Variants in LTBP1 observed in about 807,000 individuals in gnomAD.
LTBP1 encodes the protein latent-transforming growth factor beta-binding protein 1.
In LTBP1, 129 loss-of-function variants were observed where a neutral mutation model predicts 207.6. The observed-to-expected ratio is 0.62, with a 90% CI of 0.54 to 0.72. The LOEUF (loss-of-function observed/expected upper bound fraction) is 0.72, where lower values mean the gene tolerates loss of function less well. Among genes scored for constraint, LTBP1 ranks in the 30% least tolerant of loss-of-function variants. The pLI is 0.00. For synonymous variants in LTBP1, 963 were observed against 833.7 expected, an observed-to-expected ratio of 1.16 and a Z score of -2.67; for missense variants, 2,281 against 2,217.2, an observed-to-expected ratio of 1.03 and a Z score of -0.58.
At chr2:33,186,532 T>G (rs2087219884) in intron 5 of LTBP1, among the ~76,000 whole-genome samples, 1 of 152,204 alleles carries the variant, frequency 6.6e-6, no homozygotes, top group South Asian at 2.1e-4. Flanking sequence ...CAAATGGTAC[T>G]TAAAATGGCA....
chr2:33,396,924 G>A (rs1009238947), intron 32 of LTBP1, among the ~76,000 whole-genome samples: 2 of 152,122 alleles, frequency 1.3e-5, no homozygotes, highest in East Asian at 1.9e-4. Context: ...TCAAAATGAG[G>A]CTACTCTGCA....
intron 2 of LTBP1, among the ~76,000 whole-genome samples, chr2:32,978,250 A>G (rs1682135117): frequency 6.6e-6 from 1 of 152,160 alleles, no homozygotes; most frequent in Non-Finnish European, 1.5e-5. Flanking sequence ...TCCCAGTACT[A>G]TGTTAAATAA....
chr2:33,263,950 T>TAA (rs1474975472), intron 15 of LTBP1, among the ~76,000 whole-genome samples: 1 of 102,034 alleles, frequency 9.8e-6, no homozygotes, highest in Non-Finnish European at 1.8e-5. Flanking sequence ...AGACTCTGTC[T>TAA]AAAAAAAGAA....
In LTBP1 at chr2:32,947,799, C is replaced by A; in HGVS notation, c.475C>A (p.Gln159Lys). 1 of 1,464,692 alleles carries A rather than the reference C, an allele frequency of 6.8e-7. No individual in the cohort carries two copies. The highest frequency in any genetic ancestry group is 1.4e-5 in the South Asian group (1 of 70,096). 90.7% of individuals were successfully genotyped at this position (1,464,692 alleles called of 1,614,324 possible). The part of the protein sequence containing the change: ...SGGGSRLQVH[Q>K]KQQLQGVNVC... Reference sequence around the variant, plus strand: ...CGGAGGCTCTAGGCTGCAGGTTCACCAGAAGCAGCAGCTGCAGGGGTAAGC... The same window carrying A: ...CGGAGGCTCTAGGCTGCAGGTTCACAAGAAGCAGCAGCTGCAGGGGTAAGC... The change falls in exon 1 of 34, where the codon CAG (glutamine) becomes AAG (lysine). Residue 159 changes from glutamine to lysine, a missense_variant. Physicochemically the swap from Gln to Lys is moderately conservative, Grantham distance 53. Coordinates refer to ENST00000404816, the MANE Select transcript of LTBP1 (RefSeq NM_206943.4).
At chr2:32,955,464 G>A (rs1677926330) in intron 2 of LTBP1, among the ~76,000 whole-genome samples, 1 of 151,620 alleles carries the variant, frequency 6.6e-6, no homozygotes, top group South Asian at 2.1e-4. Flanking sequence ...TGGAACAGTT[G>A]GGTGTTTTCT....
chr2:33,110,675 G>C lies in LTBP1; in HGVS notation c.957G>C (p.Gly319=). 5 of 1,614,216 alleles carry C rather than the reference G, an allele frequency of 3.1e-6. No individual in the cohort carries two copies. The highest frequency in any genetic ancestry group is 4.2e-6 in the Non-Finnish European group (5 of 1,180,032). The part of the protein sequence containing the change: ...LKPKYFPAQK[G]ISGEQSTEGS... ...CCAAGTACTTTCCAGCCCAGAAGGG[G>C]ATTTCAGGAGAGCAGTCCACTGAAG... The change falls in exon 4 of 34, where the codon GGG becomes GGC. Residue 319 remains glycine (G), a synonymous_variant. Coordinates refer to ENST00000404816, the MANE Select transcript of LTBP1 (RefSeq NM_206943.4).
At chr2:33,239,511 T>A (rs2092212963) in intron 9 of LTBP1, among the ~76,000 whole-genome samples, 1 of 152,210 alleles carries the variant, frequency 6.6e-6, no homozygotes. Context: ...GAACAAGGAA[T>A]AAATTCATGT....
At chr2:33,317,717 A>C (rs533632319) in intron 24 of LTBP1, 1 of 152,378 alleles carries the variant, frequency 6.6e-6, no homozygotes, top group African/African-American at 2.4e-5. Flanking sequence ...GAGGAGCTGA[A>C]GCCTCGTTGA....
chr2:33,378,301 C>T (rs368117082), intron 31 of LTBP1, among the ~76,000 whole-genome samples: 154 of 151,944 alleles, frequency 1.0e-3, no homozygotes, highest in African/African-American at 3.4e-3. Flanking sequence ...TCTCGGCTCA[C>T]TGAAACTTCT....
At chr2:33,232,661 C>T (rs559510020) in intron 9 of LTBP1, among the ~76,000 whole-genome samples, 1 of 152,178 alleles carries the variant, frequency 6.6e-6, no homozygotes, top group East Asian at 1.9e-4. Flanking sequence ...AGATAAACAA[C>T]AAATAGGTTT....
intron 3 of LTBP1, among the ~76,000 whole-genome samples, chr2:33,041,908 A>G (rs911711200): frequency 1.3e-5 from 2 of 152,230 alleles, no homozygotes; most frequent in African/African-American, 4.8e-5. Context: ...TGTATCCTTT[A>G]CAGGATACTA....
chr2:33,323,054 A>T (rs2094379083), intron 24 of LTBP1, among the ~76,000 whole-genome samples: 1 of 152,144 alleles, frequency 6.6e-6, no homozygotes, highest in Non-Finnish European at 1.5e-5. Context: ...TACTCAATTT[A>T]TGATAGGGTT....
At chr2:33,259,046 C>T (rs570864305) in intron 12 of LTBP1, among the ~76,000 whole-genome samples, 72 of 152,180 alleles carry the variant, frequency 4.7e-4, no homozygotes, top group Non-Finnish European at 1.2e-4. Context: ...GATTCTTTTT[C>T]GTAATTTAGT....
chr2:33,276,333 A>G (rs933369349), intron 18 of LTBP1, among the ~76,000 whole-genome samples: 1 of 152,038 alleles, frequency 6.6e-6, no homozygotes, highest in Non-Finnish European at 1.5e-5. Flanking sequence ...TTTCTTTTAC[A>G]TGTGTTCTGG....
intron 2 of LTBP1, among the ~76,000 whole-genome samples, chr2:32,999,081 C>T (rs1014809235): frequency 2.0e-5 from 3 of 152,176 alleles, no homozygotes; most frequent in African/African-American, 7.2e-5. Flanking sequence ...ACAAGCCTCC[C>T]TGTGATTCTG....
At chr2:33,334,813 G>C (rs1233372509) in intron 24 of LTBP1, among the ~76,000 whole-genome samples, 1 of 151,536 alleles carries the variant, frequency 6.6e-6, no homozygotes, top group Admixed American at 6.6e-5. Context: ...GCTCATATCT[G>C]TAATCCCAGC....
At chr2:33,058,088 G>C (rs969600405) in intron 3 of LTBP1, among the ~76,000 whole-genome samples, 3 of 152,166 alleles carry the variant, frequency 2.0e-5, no homozygotes, top group African/African-American at 7.2e-5. Context: ...CTTTGGCCTG[G>C]GATAAACTGG....
intron 5 of LTBP1, among the ~76,000 whole-genome samples, chr2:33,154,468 TTATTG>T (rs1185678820): frequency 6.6e-6 from 1 of 152,206 alleles, no homozygotes; most frequent in Non-Finnish European, 1.5e-5. Flanking sequence ...AATATTTTAT[TTATTG>T]TATTGTACCA....
intron 19 of LTBP1, among the ~76,000 whole-genome samples, chr2:33,292,324 A>G (rs1454172695): frequency 6.6e-6 from 1 of 152,214 alleles, no homozygotes; most frequent in Non-Finnish European, 1.5e-5. Context: ...AACTGTTTCT[A>G]TCACTAGATT....
Sources: gnomAD v4.1 joint callset for allele counts (sites outside exome capture counted in the v4.1 genomes callset) on GRCh38, gnomAD v4.1.1 for gene constraint, MANE v1.5 for transcripts, NCBI Gene and HGNC (gene_info 2026-07-23, HGNC 2026-07-21) for gene names.